MUC3A: variants seen among roughly 807,000 people sequenced by gnomAD.
The protein encoded by MUC3A is mucin 3A, cell surface associated, also known as mucin-3A.
A neutral mutation model predicts 109.0 loss-of-function variants in MUC3A; 109 were observed. The observed-to-expected ratio is 1.00, with a 90% CI of 0.86 to 1.17. MUC3A has a LOEUF of 1.17. MUC3A is among the 50% of genes most tolerant of loss of function. The probability of loss-of-function intolerance (pLI) is 0.00; values close to 1 mark genes in which losing one functional copy is unlikely to be tolerated. For synonymous variants in MUC3A, 1,398 were observed against 981.4 expected, an observed-to-expected ratio of 1.42 and a Z score of -7.93; for missense variants, 3,537 against 2,469.4, an observed-to-expected ratio of 1.43 and a Z score of -9.16.
chr7:100,949,888 G>A (rs1327379397), intron 1 of MUC3A, among the ~76,000 whole-genome samples: 1 of 150,518 alleles, frequency 6.6e-6, no homozygotes, highest in Non-Finnish European at 1.5e-5. Flanking sequence ...CCAGGTGCAG[G>A]GAAAACCGAG....
chr7:100,964,368 A>G (rs920648584), intron 5 of MUC3A: 19 of 332,556 alleles, frequency 5.7e-5, no homozygotes, highest in African/African-American at 4.0e-4. Flanking sequence ...GCTGAGGAGA[A>G]AGGATCACTT....
In MUC3A at chr7:100,957,395, TCGACC is replaced by T; in HGVS notation, c.5618_5622del (p.Arg1873HisfsTer32). The T allele has an allele frequency of 5.6e-6, 2 of 355,546 alleles. No individual in the cohort carries two copies. Among genetic ancestry groups the T allele is most frequent in the Non-Finnish European group, 7.7e-6 (2 of 259,474 alleles). 22.0% of individuals were successfully genotyped at this position (355,546 alleles called of 1,614,324 possible). A position where few individuals can be genotyped will look rare whatever the true frequency, so the allele number is the denominator to read the frequency against. ...GTACATTGTCCACTGTGACCTCTCT[TCGACC>T]CACCTCTTCCTCTCTCCTCACCACA... On this transcript the variant is annotated frameshift_variant, in exon 2 of 12. Coordinates refer to ENST00000379458, the MANE Select transcript of MUC3A (RefSeq NM_005960.2). LOFTEE classifies it high-confidence loss of function.
At chr7:100,963,867 G>A (rs1792428274) in intron 5 of MUC3A, 115 bp downstream of exon 5, 18 of 1,443,586 alleles carry the variant, frequency 1.2e-5, no homozygotes, top group South Asian at 2.4e-5. Context: ...GGGTGGAGGG[G>A]GTACATAAGG....
At position 100,958,940 on chromosome 7, in the gene MUC3A, C is replaced by A. The variant is rs747468675; in HGVS notation, c.7161C>A (p.His2387Gln). The A allele has an allele frequency of 1.6e-6, 2 of 1,259,608 alleles. No individual in the cohort carries two copies. Among genetic ancestry groups the A allele is most frequent in the African/African-American group, 3.4e-5 (1 of 29,620 alleles). 78.0% of individuals were successfully genotyped at this position (1,259,608 alleles called of 1,614,324 possible). A position where few individuals can be genotyped will look rare whatever the true frequency, so the allele number is the denominator to read the frequency against. ...TCACCACCACTGAGACCCCCTTACA[C>A]AGTACTCCTGGCCTCACTTCGTGGG... The part of the protein sequence containing the change: ...SSITTTETPL[H>Q]STPGLTSWVT... The change falls in exon 2 of 12, where the codon CAC becomes CAA. Residue 2387 changes from histidine (H) to glutamine (Q), a missense_variant. His to Gln is a conservative substitution (Grantham distance 24, BLOSUM62 0). Coordinates refer to ENST00000379458, the MANE Select transcript of MUC3A (RefSeq NM_005960.2).
chr7:100,965,397 CTA>C lies in MUC3A; in HGVS notation c.9448+51_9448+52del, dbSNP rs1792497915. The C allele has an allele frequency of 2.5e-6, 4 of 1,577,272 alleles. No individual in the cohort carries two copies. In the South Asian group the frequency reaches 3.4e-5, roughly 13 times the overall value. ...TGGTCTCCCGCGGCTATGATCCGGG[CTA>C]CCAGGGACATTTGCCCATTGAAGCC... On this transcript the variant is annotated intron_variant, in intron 7 of 11. Coordinates refer to ENST00000379458, the MANE Select transcript of MUC3A (RefSeq NM_005960.2).
intron 5 of MUC3A, 195 bp downstream of exon 5, chr7:100,963,947 CTT>C: frequency 4.2e-6 from 3 of 720,020 alleles, no homozygotes; most frequent in Admixed American, 4.7e-5. Context: ...TGGCACCTCT[CTT>C]CTTCAGCACA....
In MUC3A at chr7:100,957,082, C is replaced by G; in HGVS notation, c.5303C>G (p.Thr1768Ser). The G allele has an allele frequency of 2.1e-6, 1 of 472,498 alleles. No individual in the cohort carries two copies. The allele number at this position is 472,498 out of a possible 1,614,324, so 29.3% of individuals were successfully genotyped here. A position where few individuals can be genotyped will look rare whatever the true frequency, so the allele number is the denominator to read the frequency against. Residue 1768 changes from threonine (T) to serine (S), a missense_variant, in exon 2 of 12, where the codon ACC (threonine) becomes AGC (serine). By Grantham distance (58) the Thr-to-Ser change is moderately conservative. Coordinates refer to ENST00000379458, the MANE Select transcript of MUC3A (RefSeq NM_005960.2). ...ACTCCCCCCATCACTTCTTCAATCA[C>G]CTCCACATATACGGTGACTTCGATG... Reference protein sequence around the residue: ...SSTPPITSSITSTYTVTSMTT... With the variant: ...SSTPPITSSISSTYTVTSMTT...
In MUC3A at chr7:100,960,809, T is replaced by C; in HGVS notation, c.8924T>C (p.Phe2975Ser). 1 of 1,598,536 alleles carries C rather than the reference T, an allele frequency of 6.3e-7. No homozygotes were observed. The highest frequency in any genetic ancestry group is 8.5e-7 in the Non-Finnish European group (1 of 1,179,814). The change falls in exon 3 of 12, where the codon TTT becomes TCT. Residue 2975 changes from phenylalanine (F) to serine (S), a missense_variant. Phe to Ser is a radical substitution (Grantham distance 155, BLOSUM62 -2). Coordinates refer to ENST00000379458, the MANE Select transcript of MUC3A (RefSeq NM_005960.2). ...EQGQCACLPG[F>S]SGDRCQLQTR... ...GGCCAGTGTGCTTGCCTTCCGGGGT[T>C]TTCTGGGGACCGCTGTCAGCTCCAG...
In MUC3A at chr7:100,963,214, A is replaced by G. The variant is rs1357326782; in HGVS notation, c.9116A>G (p.Asn3039Ser). ...GATCAGCAGTTCTCGCCGGACCTCA[A>G]TGACAACACTTCCCAGGCCTACAGG... ...SVDQQFSPDLNDNTSQAYRDF... is the reference protein window; with the variant it reads ...SVDQQFSPDLSDNTSQAYRDF... The change falls in exon 4 of 12, where the codon AAT (asparagine) becomes AGT (serine). Residue 3039 changes from asparagine (N) to serine (S), a missense_variant. Physicochemically the swap from Asn to Ser is conservative, Grantham distance 46 (BLOSUM62 1). Transcript: ENST00000379458. 1.0e-5 allele frequency: 16 copies of G among 1,598,272 alleles called. No homozygotes were observed. The highest frequency in any genetic ancestry group is 1.3e-5 in the African/African-American group (1 of 74,958).
chr7:100,965,622 A>G (rs587687242), intron 7 of MUC3A, 82 bp from the exon 8 acceptor site: 6 of 1,538,118 alleles, frequency 3.9e-6, no homozygotes, highest in Middle Eastern at 1.7e-4. Context: ...CTCCTCGCGC[A>G]TATTCAGAGG....
intron 1 of MUC3A, 79 bp from the exon 2 acceptor site, chr7:100,951,762 G>A: frequency 1.3e-6 from 2 of 1,549,144 alleles, no homozygotes; most frequent in East Asian, 4.5e-5. Context: ...AAATGGGTGA[G>A]TGAGTAGCTT....
In MUC3A at chr7:100,959,757, A is replaced by G. The variant is rs761010678; in HGVS notation, c.7978A>G (p.Thr2660Ala). The change falls in exon 2 of 12, where the codon ACA (threonine) becomes GCA (alanine). Residue 2660 changes from threonine (T) to alanine (A), a missense_variant. Physicochemically the swap from Thr to Ala is moderately conservative, Grantham distance 58 (BLOSUM62 0). Transcript: ENST00000379458. ...ACTCACATCTACAAGTGAGTTCACT[A>G]CAGAATCTTTCACTAGGGGAAGTAC... ...TSLTSTSEFT[T>A]ESFTRGSTST... 2 of 1,598,190 alleles carry G rather than the reference A, an allele frequency of 1.3e-6. No individual in the cohort carries two copies. The highest frequency in any genetic ancestry group is 1.7e-6 in the Non-Finnish European group (2 of 1,179,692).
rs587706394 is a variant in MUC3A at position 100,965,366 on chromosome 7, G to C, written c.9448+19G>C. ...CCGGCAGGTAAGGGTGGGGTAAAGG[G>C]CTGAGTGGTCTCCCGCGGCTATGAT... On this transcript the variant is annotated intron_variant, in intron 7 of 11. Transcript: ENST00000379458. 2.5e-6 allele frequency: 4 copies of C among 1,596,060 alleles called. No homozygotes were observed. The highest frequency in any genetic ancestry group is 3.4e-6 in the Non-Finnish European group (4 of 1,178,294).
chr7:100,956,797 G>A lies in MUC3A; in HGVS notation c.5018G>A (p.Gly1673Glu). ...TCTTCCATGTCTGCCAGCAGTGTAG[G>A]GACCACTCACACCCAGAGTATCTCC... ...FSSSMSASSV[G>E]TTHTQSISSP... The change falls in exon 2 of 12, where the codon GGG (glycine) becomes GAG (glutamate). Residue 1673 changes from glycine (G) to glutamate (E), a missense_variant. By Grantham distance (98) the Gly-to-Glu change is moderately conservative. Transcript: ENST00000379458. 1 of 409,972 alleles carries A rather than the reference G, an allele frequency of 2.4e-6. No homozygotes were observed. The highest frequency in any genetic ancestry group is 4.3e-6 in the Non-Finnish European group (1 of 235,210). 25.4% of individuals were successfully genotyped at this position (409,972 alleles called of 1,614,324 possible).
chr7:100,967,780 A>T lies in MUC3A; in HGVS notation c.*618A>T, dbSNP rs1439957061. The stretch of plus-strand genomic sequence containing the variant: ...CTGCACCCCAGTCCCCCAGCCCTAA[A>T]TCCTCCCTCCTCTCCTCACATCCTG... On this transcript the variant is annotated 3_prime_UTR_variant, in exon 12 of 12. Transcript: ENST00000379458. 2 of 163,302 alleles carry T rather than the reference A, an allele frequency of 1.2e-5. No individual in the cohort carries two copies. Among genetic ancestry groups the T allele is most frequent in the Non-Finnish European group, 2.6e-5 (2 of 78,026 alleles). 10.1% of individuals were successfully genotyped at this position (163,302 alleles called of 1,614,324 possible).
In MUC3A at chr7:100,959,621, T is replaced by C. The variant is rs770605977; in HGVS notation, c.7842T>C (p.Leu2614=). 6.9e-6 allele frequency: 11 copies of C among 1,598,292 alleles called. No individual in the cohort carries two copies. Among genetic ancestry groups the C allele is most frequent in the Non-Finnish European group, 9.3e-6 (11 of 1,179,706 alleles). ...TDSSTSTLHT[L]TPSTALSTIV... ...CCTCCACGTCCACTCTTCATACTCTTACTCCATCAACAGCCTTGAGCACGA... is the reference window on the plus strand; with the variant it reads ...CCTCCACGTCCACTCTTCATACTCTCACTCCATCAACAGCCTTGAGCACGA... Residue 2614 remains leucine (L), a synonymous_variant, in exon 2 of 12, where the codon CTT becomes CTC. Transcript: ENST00000379458.
Position 100,965,362 on chromosome 7 carries a change from A to G in MUC3A, c.9448+15A>G. The G allele has an allele frequency of 6.3e-7, 1 of 1,596,634 alleles. No individual in the cohort carries two copies. The highest frequency in any genetic ancestry group is 8.5e-7 in the Non-Finnish European group (1 of 1,178,570). ...GACCCCGGCAGGTAAGGGTGGGGTAAAGGGCTGAGTGGTCTCCCGCGGCTA... is the reference window on the plus strand; with the variant it reads ...GACCCCGGCAGGTAAGGGTGGGGTAGAGGGCTGAGTGGTCTCCCGCGGCTA... On this transcript the variant is annotated intron_variant, in intron 7 of 11. Transcript: ENST00000379458.
At position 100,959,884 on chromosome 7, in the gene MUC3A, T is replaced by G; in HGVS notation, c.8105T>G (p.Val2702Gly). Residue 2702 changes from valine to glycine, a missense_variant, in exon 2 of 12, where the codon GTG (valine) becomes GGG (glycine). Transcript: ENST00000379458. ...CCATCTTCTGCCAGCATAACTCCAG[T>G]GTTTTCCACTACCATTCATTCTGTT... ...SSPSSASITP[V>G]FSTTIHSVPS... The G allele has an allele frequency of 6.4e-7, 1 of 1,550,466 alleles. No homozygotes were observed. The highest frequency in any genetic ancestry group is 1.2e-5 in the South Asian group (1 of 80,606).
chr7:100,960,707 G>C, intron 2 of MUC3A, 45 bp from the exon 3 acceptor site: 1 of 1,594,020 alleles, frequency 6.3e-7, no homozygotes, highest in Non-Finnish European at 8.5e-7. Context: ...GTGTCACTGA[G>C]GTCAGGCTTT....
Sources: gnomAD v4.1 joint callset for allele counts (sites outside exome capture counted in the v4.1 genomes callset) on GRCh38, gnomAD v4.1.1 for gene constraint, MANE v1.5 for transcripts, NCBI Gene and HGNC (gene_info 2026-07-23, HGNC 2026-07-21) for gene names.